Variants in CSMD3 observed in about 807,000 individuals in gnomAD.
CSMD3 encodes CUB and Sushi multiple domains 3, also known as CUB and sushi domain-containing protein 3.
A neutral mutation model predicts 435.2 loss-of-function variants in CSMD3; 177 were observed. That is an observed-to-expected ratio of 0.41 (90% confidence interval 0.36 to 0.46). The LOEUF is 0.46. CSMD3 is among the 20% of genes least tolerant of loss of function. CSMD3 has a pLI of 0.34. For synonymous variants in CSMD3, 1,656 were observed against 1,520.5 expected (o/e 1.09, Z -2.07); for missense variants, 4,265 against 4,504.6 (o/e 0.95, Z 1.52).
chr8:113,025,491 C>G (rs2086843634), intron 5 of CSMD3, among the ~76,000 whole-genome samples: 1 of 152,130 alleles, frequency 6.6e-6, no homozygotes, highest in Non-Finnish European at 1.5e-5. Flanking sequence ...TTGGCTGGCA[C>G]TAGGGTGGGC....
intron 1 of CSMD3, among the ~76,000 whole-genome samples, chr8:113,431,351 A>C (rs1563814881): frequency 6.6e-6 from 1 of 152,212 alleles, no homozygotes; most frequent in Admixed American, 6.5e-5. Flanking sequence ...CATGTAAATA[A>C]ACTAAAGTGT....
intron 5 of CSMD3, among the ~76,000 whole-genome samples, chr8:113,047,968 T>C (rs1287113590): frequency 6.6e-6 from 1 of 152,138 alleles, no homozygotes; most frequent in Non-Finnish European, 1.5e-5. Context: ...TTTATATGTA[T>C]GCTTACCTAG....
At chr8:113,111,837 T>C (rs1474833286) in intron 4 of CSMD3, among the ~76,000 whole-genome samples, 1 of 152,036 alleles carries the variant, frequency 6.6e-6, no homozygotes. Flanking sequence ...CCTGCCACCA[T>C]GCCTGGCTAA....
chr8:112,652,615 T>C (rs2075155528), intron 18 of CSMD3, among the ~76,000 whole-genome samples: 1 of 152,182 alleles, frequency 6.6e-6, no homozygotes, highest in Non-Finnish European at 1.5e-5. Context: ...CTGTGGTGCA[T>C]TGATCTAGGA....
chr8:113,158,287 T>C (rs2091971572), intron 4 of CSMD3, among the ~76,000 whole-genome samples: 1 of 151,588 alleles, frequency 6.6e-6, no homozygotes, highest in Non-Finnish European at 1.5e-5. Flanking sequence ...ACCATGAGTG[T>C]AGGGGCAGCA....
At chr8:112,544,126 A>T (rs1826938840) in intron 27 of CSMD3, among the ~76,000 whole-genome samples, 1 of 152,186 alleles carries the variant, frequency 6.6e-6, no homozygotes, top group Admixed American at 6.5e-5. Flanking sequence ...TAGCAATATA[A>T]ATAAGCTTTA....
chr8:112,772,119 G>T (rs2078133008), intron 13 of CSMD3, among the ~76,000 whole-genome samples: 1 of 151,398 alleles, frequency 6.6e-6, no homozygotes, highest in South Asian at 2.1e-4. Context: ...AATTATAAGG[G>T]GCTCAAGGTA....
At chr8:113,055,013 A>C (rs2088258207) in intron 5 of CSMD3, among the ~76,000 whole-genome samples, 1 of 152,128 alleles carries the variant, frequency 6.6e-6, no homozygotes, top group East Asian at 1.9e-4. Context: ...TACTACCTAG[A>C]TAGATCGTCC....
chr8:112,903,424 T>C (rs920647932), intron 10 of CSMD3, among the ~76,000 whole-genome samples: 7 of 151,216 alleles, frequency 4.6e-5, no homozygotes, highest in Admixed American at 2.0e-4. Context: ...GAGTATAAGA[T>C]GACTGGAGAC....
chr8:112,364,555 T>C (rs2131138925), intron 38 of CSMD3, among the ~76,000 whole-genome samples: 1 of 152,134 alleles, frequency 6.6e-6, no homozygotes, highest in South Asian at 2.1e-4. Flanking sequence ...ATTAGTGAGA[T>C]TTTAACATGT....
At chr8:113,059,559 C>T (rs1021101892) in intron 5 of CSMD3, among the ~76,000 whole-genome samples, 2 of 152,100 alleles carry the variant, frequency 1.3e-5, no homozygotes, top group African/African-American at 4.8e-5. Flanking sequence ...TAAAAGGAAA[C>T]TACTATTTAA....
chr8:113,066,096 G>A (rs1451070166), intron 5 of CSMD3, among the ~76,000 whole-genome samples: 2 of 139,258 alleles, frequency 1.4e-5, no homozygotes, highest in East Asian at 4.2e-4. Context: ...CCTTATTCTT[G>A]CTCTTGTCTC....
At chr8:112,961,126 G>C (rs2084212892) in intron 7 of CSMD3, among the ~76,000 whole-genome samples, 1 of 151,570 alleles carries the variant, frequency 6.6e-6, no homozygotes, top group Admixed American at 6.6e-5. Context: ...TTAAATGTTA[G>C]TTATTTGTAC....
intron 12 of CSMD3, among the ~76,000 whole-genome samples, chr8:112,818,775 T>C (rs1012159495): frequency 3.9e-5 from 6 of 152,084 alleles, no homozygotes; most frequent in African/African-American, 1.4e-4. Flanking sequence ...CACCTCCCCT[T>C]TGAGACCCTG....
chr8:112,341,057 T>C (rs1020431184), intron 42 of CSMD3, among the ~76,000 whole-genome samples: 1 of 152,136 alleles, frequency 6.6e-6, no homozygotes, highest in African/African-American at 2.4e-5. Flanking sequence ...TGAAGGAATG[T>C]CATATTAGTC....
chr8:113,058,531 C>T (rs902623925), intron 5 of CSMD3, among the ~76,000 whole-genome samples: 1 of 151,686 alleles, frequency 6.6e-6, no homozygotes, highest in Non-Finnish European at 1.5e-5. Flanking sequence ...GGTATTGATA[C>T]ATGACATGGA....
chr8:112,588,878 A>T (rs1007287887), intron 22 of CSMD3, among the ~76,000 whole-genome samples: 1 of 152,104 alleles, frequency 6.6e-6, no homozygotes, highest in Non-Finnish European at 1.5e-5. Context: ...AATCATTTAC[A>T]TTTTAATTCT....
intron 10 of CSMD3, among the ~76,000 whole-genome samples, chr8:112,887,381 G>A (rs1023157866): frequency 1.3e-5 from 2 of 150,418 alleles, no homozygotes; most frequent in Admixed American, 1.3e-4. Flanking sequence ...ATCTAATAGA[G>A]TATTAAAGAA....
chr8:112,330,410 A>G (rs1372130936), intron 45 of CSMD3, among the ~76,000 whole-genome samples: 2 of 152,146 alleles, frequency 1.3e-5, no homozygotes, highest in Non-Finnish European at 1.5e-5. Context: ...TCCCTAGTAC[A>G]TTGATATTAG....
Sources: allele counts gnomAD v4.1 joint callset (sites outside exome capture counted in the v4.1 genomes callset), GRCh38; gene constraint gnomAD v4.1.1; transcripts MANE v1.5; gene names NCBI Gene and HGNC (gene_info 2026-07-23, HGNC 2026-07-21).